The following CFAP47 variants were observed in gnomAD, a reference collection of about 807,000 sequenced individuals.
CFAP47 encodes cilia- and flagella-associated protein 47.
A neutral mutation model predicts 148.1 loss-of-function variants in CFAP47; 29 were observed. That is an observed-to-expected ratio of 0.20 (90% CI 0.15 to 0.27). The LOEUF (loss-of-function observed/expected upper bound fraction) is 0.27, where lower values mean the gene tolerates loss of function less well. CFAP47 is among the 10% of genes least tolerant of loss of function. CFAP47 has a pLI of 1.00. For synonymous variants in CFAP47, 664 were observed against 577.3 expected, an observed-to-expected ratio of 1.15 and a Z score of -2.15; for missense variants, 1,872 against 1,697.5, an observed-to-expected ratio of 1.10 and a Z score of -1.81.
chrX:35,977,411 T>G (rs1223916060), intron 15 of CFAP47, among the ~76,000 whole-genome samples: 6 of 111,240 alleles, frequency 5.4e-5, no homozygotes, highest in African/African-American at 1.3e-4. Flanking sequence ...TTACGAAAAT[T>G]TTCTAAATCT....
chrX:36,091,101 C>T (rs1233859395), intron 30 of CFAP47, among the ~76,000 whole-genome samples: 4 of 111,312 alleles, frequency 3.6e-5, no homozygotes, highest in Admixed American at 1.9e-4. Context: ...GAAGTTAGGC[C>T]TTGAGGTAGA....
Position 36,149,138 on chromosome X carries a change from T to G in CFAP47, c.5701T>G (p.Leu1901Val). Residue 1901 changes from leucine (L) to valine (V), a missense_variant, in exon 37 of 64, where the codon TTA (leucine) becomes GTA (valine). Transcript: ENST00000378653. ...ILLKNSSSRN[L>V]VYNARIVGRD... The stretch of plus-strand genomic sequence containing the variant: ...ACTGAAAAATTCCAGCTCGCGAAAC[T>G]TAGTGTATAATGCTAGAATTGTTGG... 1 of 296,868 alleles carries G rather than the reference T, an allele frequency of 3.4e-6. No homozygotes were observed. The highest frequency in any genetic ancestry group is 5.9e-6 in the Non-Finnish European group (1 of 169,868). The allele number at this position is 296,868 out of a possible 1,213,427, so 24.5% of individuals were successfully genotyped here. A position where few individuals can be genotyped will look rare whatever the true frequency, so the allele number is the denominator to read the frequency against.
At chrX:36,331,608 C>T in intron 57 of CFAP47, among the ~76,000 whole-genome samples, 1 of 111,586 alleles carries the variant, frequency 9.0e-6, no homozygotes, top group South Asian at 3.8e-4. Context: ...TTAATGGCAC[C>T]ATTATTTATC....
chrX:36,203,410 T>G (rs1215007682), intron 44 of CFAP47, among the ~76,000 whole-genome samples: 1 of 112,060 alleles, frequency 8.9e-6, no homozygotes, highest in Admixed American at 9.5e-5. Flanking sequence ...TATAAATGGT[T>G]GAGAGAGGTG....
rs782033655 is a variant in CFAP47 at position 36,242,925 on chromosome X, A to G, written c.7332+6066A>G. Among the ~76,000 whole-genome samples the G allele has an allele frequency of 5.4e-5, 6 of 111,673 alleles. No individual in the cohort carries two copies. In the East Asian group the frequency reaches 1.7e-3, roughly 32 times the overall value. On this transcript the variant is annotated intron_variant, in intron 48 of 63. Transcript: ENST00000378653. ...GAAAGAAAAAGTCCTAAAGGCAGGT[A>G]AAGTGAAAGGTTAGGGCACATAGAA...
intron 51 of CFAP47, among the ~76,000 whole-genome samples, chrX:36,289,563 C>G (rs1556005249): frequency 1.8e-5 from 2 of 111,199 alleles, no homozygotes; most frequent in African/African-American, 6.5e-5. Flanking sequence ...GTTGAAAACA[C>G]TCATATAAAA....
chrX:36,341,412 T>C (rs1486030415), intron 57 of CFAP47, among the ~76,000 whole-genome samples: 1 of 111,411 alleles, frequency 9.0e-6, no homozygotes, highest in Non-Finnish European at 1.9e-5. Context: ...TATTAGAAAT[T>C]GTGCACAGTT....
chrX:36,106,760 T>C (rs1181843339), intron 33 of CFAP47, among the ~76,000 whole-genome samples: 1 of 111,914 alleles, frequency 8.9e-6, no homozygotes. Context: ...ACTATATGAC[T>C]TTCTGGAAAA....
At chrX:36,021,550 G>A (rs1268757581) in intron 22 of CFAP47, among the ~76,000 whole-genome samples, 1 of 111,202 alleles carries the variant, frequency 9.0e-6, no homozygotes, top group Non-Finnish European at 1.9e-5. Context: ...TGCAGAATGT[G>A]CAGGTTTGTT....
intron 50 of CFAP47, among the ~76,000 whole-genome samples, chrX:36,283,600 T>C (rs1941102038): frequency 8.9e-6 from 1 of 111,906 alleles, no homozygotes; most frequent in Non-Finnish European, 1.9e-5. Flanking sequence ...CTCCATAATG[T>C]GGTTGAGCTT....
At position 35,924,344 on chromosome X, in the gene CFAP47, T is replaced by C. The variant is rs190524193; in HGVS notation, c.250-1673T>C. Among the ~76,000 whole-genome samples the C allele has an allele frequency of 2.9e-4, 31 of 106,625 alleles. 3 individuals are homozygous for C. Among genetic ancestry groups the C allele is most frequent in the African/African-American group, 1.1e-3 (31 of 28,092 alleles). 92.6% of individuals were successfully genotyped at this position (106,625 alleles called of 115,157 possible). On this transcript the variant is annotated intron_variant, in intron 1 of 63. Transcript: ENST00000378653. Reference sequence around the variant, plus strand: ...GTATGTGTATATGTGTACATATATGTGTGCATATGTGTATATATGTATATG... The same window carrying C: ...GTATGTGTATATGTGTACATATATGCGTGCATATGTGTATATATGTATATG...
At chrX:36,289,792 T>C (rs1941174878) in intron 51 of CFAP47, among the ~76,000 whole-genome samples, 1 of 112,386 alleles carries the variant, frequency 8.9e-6, no homozygotes, top group Non-Finnish European at 1.9e-5. Flanking sequence ...TTGTACATAA[T>C]GTCTGTGGCT....
At position 36,371,842 on chromosome X, in the gene CFAP47, G is replaced by GTGTGTATATATGTGTGCATATACACACA. The variant is rs1181054614; in HGVS notation, c.9185+4760_9185+4787dup. On this transcript the variant is annotated intron_variant, in intron 62 of 63. Transcript: ENST00000378653. Reference sequence around the variant, plus strand: ...TGCATATACACACATGTGTGTATATGTGTGTATATATGTGTGCATATACAC... The same window carrying GTGTGTATATATGTGTGCATATACACACA: ...TGCATATACACACATGTGTGTATATGTGTGTATATATGTGTGCATATACACACATGTGTATATATGTGTGCATATACAC... 6.7e-4 allele frequency among the ~76,000 whole-genome samples: 47 copies of GTGTGTATATATGTGTGCATATACACACA among 70,597 alleles called. 1 individual carries two copies. The highest frequency in any genetic ancestry group is 3.9e-3 in the Admixed American group (27 of 6,963). 61.3% of individuals were successfully genotyped at this position (70,597 alleles called of 115,157 possible).
chrX:36,103,421 G>A (rs937404175), intron 32 of CFAP47, among the ~76,000 whole-genome samples: 3 of 95,966 alleles, frequency 3.1e-5, no homozygotes, highest in African/African-American at 1.2e-4. Context: ...ACCATCTTTG[G>A]TAAGGGGCCG....
chrX:35,975,139 T>A lies in CFAP47; in HGVS notation c.2255-8T>A. The A allele has an allele frequency of 9.3e-7, 1 of 1,077,610 alleles. No homozygotes were observed. Among genetic ancestry groups the A allele is most frequent in the Non-Finnish European group, 1.2e-6 (1 of 808,473 alleles). The allele number at this position is 1,077,610 out of a possible 1,213,427, so 88.8% of individuals were successfully genotyped here. A position where few individuals can be genotyped will look rare whatever the true frequency, so the allele number is the denominator to read the frequency against. Reference sequence around the variant, plus strand: ...AAACTTAACAAAATACTTTTCATTTTTTTTCAGGGCCTTCTGTCCTTAACT... The same window carrying A: ...AAACTTAACAAAATACTTTTCATTTATTTTCAGGGCCTTCTGTCCTTAACT... On this transcript the variant is annotated splice_region_variant and splice_polypyrimidine_tract_variant and intron_variant, in intron 13 of 63. Transcript: ENST00000378653.
At chrX:36,288,018 C>A (rs1179076029) in intron 51 of CFAP47, among the ~76,000 whole-genome samples, 12 of 111,615 alleles carry the variant, frequency 1.1e-4, no homozygotes, top group Non-Finnish European at 1.1e-4. Context: ...AAACTTTATA[C>A]CTCCAGATGT....
At chrX:36,028,912 A>G (rs765237306) in intron 22 of CFAP47, among the ~76,000 whole-genome samples, 2 of 111,016 alleles carry the variant, frequency 1.8e-5, no homozygotes, top group South Asian at 7.4e-4. Flanking sequence ...GAAAGCTGGC[A>G]TCCTTGTCTT....
At chrX:36,251,136 C>G (rs1238754791) in intron 48 of CFAP47, among the ~76,000 whole-genome samples, 197 bp from the exon 49 acceptor site, 1 of 110,736 alleles carries the variant, frequency 9.0e-6, no homozygotes, top group Non-Finnish European at 1.9e-5. Context: ...TAGGTTTGTT[C>G]TTAGATTTCT....
chrX:36,067,424 A>G (rs966338179), intron 27 of CFAP47, among the ~76,000 whole-genome samples: 11 of 111,337 alleles, frequency 9.9e-5, no homozygotes, highest in African/African-American at 3.3e-4. Flanking sequence ...CCTGAGTGCC[A>G]TCATTGGCAA....
Sources: allele counts gnomAD v4.1 joint callset (sites outside exome capture counted in the v4.1 genomes callset), GRCh38; gene constraint gnomAD v4.1.1; transcripts MANE v1.5; gene names NCBI Gene and HGNC (gene_info 2026-07-23, HGNC 2026-07-21).